CRYBG3: variants seen among roughly 807,000 people sequenced by gnomAD.
CRYBG3 encodes the protein crystallin beta-gamma domain containing 3.
In CRYBG3, 127 loss-of-function variants were observed where a neutral mutation model predicts 244.2. The ratio of observed to expected loss-of-function variants is 0.52; its 90% CI spans 0.45 to 0.60. CRYBG3 has a LOEUF of 0.60. Ranked by LOEUF, CRYBG3 falls within the 20% of genes least tolerant of loss-of-function variation. CRYBG3 has a pLI of 0.00. For synonymous variants in CRYBG3, 1,132 were observed against 1,195.8 expected (o/e 0.95, Z 1.10); for missense variants, 3,325 against 3,442.5 (o/e 0.97, Z 0.85).
intron 1 of CRYBG3, among the ~76,000 whole-genome samples, chr3:97,824,511 C>A (rs1260433147): frequency 6.6e-6 from 1 of 152,148 alleles, no homozygotes; most frequent in Non-Finnish European, 1.5e-5. Flanking sequence ...AACACCAGGT[C>A]TTTGGGGAGC....
chr3:97,910,609 G>A (rs934967551), intron 15 of CRYBG3, among the ~76,000 whole-genome samples: 36 of 152,250 alleles, frequency 2.4e-4, no homozygotes, highest in Admixed American at 9.2e-4. Flanking sequence ...GCTTCGGTTC[G>A]CGCACGGTGC....
intron 17 of CRYBG3, among the ~76,000 whole-genome samples, chr3:97,916,363 C>T (rs2039929206): frequency 1.3e-5 from 2 of 152,122 alleles, no homozygotes; most frequent in Admixed American, 6.6e-5. Flanking sequence ...GCAGAATGAT[C>T]TGGGTCACCT....
chr3:97,880,778 GTATAGACCA>G (rs2039435664), intron 6 of CRYBG3, among the ~76,000 whole-genome samples: 2 of 152,116 alleles, frequency 1.3e-5, no homozygotes, highest in African/African-American at 4.8e-5. Context: ...GTATAGTTTC[GTATAGACCA>G]CATCTATAAA....
chr3:97,851,002 G>T (rs1050822222), intron 2 of CRYBG3, among the ~76,000 whole-genome samples: 1 of 151,870 alleles, frequency 6.6e-6, no homozygotes, highest in African/African-American at 2.4e-5. Flanking sequence ...CATGATGGGC[G>T]TGCGCCTGTA....
At chr3:97,838,025 C>A (rs971578129) in intron 1 of CRYBG3, among the ~76,000 whole-genome samples, 1 of 152,062 alleles carries the variant, frequency 6.6e-6, no homozygotes, top group Non-Finnish European at 1.5e-5. Flanking sequence ...GTGAGTCTGT[C>A]CTGTGGCCAT....
chr3:97,939,600 CTG>C (rs1266469751), intron 19 of CRYBG3, among the ~76,000 whole-genome samples: 1 of 152,016 alleles, frequency 6.6e-6, no homozygotes, highest in Non-Finnish European at 1.5e-5. Flanking sequence ...TTGATTAAAA[CTG>C]TGATGTCTGG....
At chr3:97,862,116 A>G (rs1252052906) in intron 2 of CRYBG3, among the ~76,000 whole-genome samples, 2 of 151,988 alleles carry the variant, frequency 1.3e-5, no homozygotes, top group African/African-American at 4.8e-5. Flanking sequence ...ATTATTTACT[A>G]CTTTAAAAAG....
chr3:97,923,277 T>C (rs1023784845), intron 17 of CRYBG3, among the ~76,000 whole-genome samples: 3 of 152,112 alleles, frequency 2.0e-5, no homozygotes, highest in African/African-American at 4.8e-5. Context: ...CCATGACACA[T>C]GTATACATAT....
chr3:97,904,803 A>ATG (rs1384775816), intron 15 of CRYBG3, among the ~76,000 whole-genome samples: 1 of 150,300 alleles, frequency 6.7e-6, no homozygotes, highest in East Asian at 2.0e-4. Flanking sequence ...TTAGTTACAT[A>ATG]TGTATACATG....
chr3:97,833,243 G>A lies in CRYBG3; in HGVS notation c.150-9952G>A, dbSNP rs145453133. ...TACCCAAAGGATTATAAATCATTCT[G>A]CTATAAAGACACATGCACACGTATG... On this transcript the variant is annotated intron_variant, in intron 1 of 21. Transcript: ENST00000389622. Among the ~76,000 whole-genome samples the A allele has an allele frequency of 5.9e-5, 9 of 152,178 alleles. 1 individual carries two copies. Among genetic ancestry groups the A allele is most frequent in the African/African-American group, 2.2e-4 (9 of 41,516 alleles).
chr3:97,933,470 T>C (rs781264119), intron 17 of CRYBG3: 1 of 607,372 alleles, frequency 1.6e-6, no homozygotes, highest in Non-Finnish European at 3.0e-6. Flanking sequence ...ATGAGATTGA[T>C]TGCTTTTCTG....
At chr3:97,939,559 A>G (rs1179469555) in intron 19 of CRYBG3, among the ~76,000 whole-genome samples, 1 of 152,084 alleles carries the variant, frequency 6.6e-6, no homozygotes, top group Non-Finnish European at 1.5e-5. Context: ...CAAATGTGTA[A>G]TAAGGGTAAT....
intron 2 of CRYBG3, among the ~76,000 whole-genome samples, chr3:97,845,712 C>G (rs911268756): frequency 6.6e-6 from 1 of 152,230 alleles, no homozygotes; most frequent in Non-Finnish European, 1.5e-5. Flanking sequence ...TATTGGTGTC[C>G]TTACTTTACT....
chr3:97,897,759 T>A (rs2039656082), intron 12 of CRYBG3, among the ~76,000 whole-genome samples: 1 of 152,186 alleles, frequency 6.6e-6, no homozygotes, highest in East Asian at 1.9e-4. Flanking sequence ...CACCATTTAG[T>A]TCCCTTAGGA....
At chr3:97,840,895 T>C (rs1449416887) in intron 1 of CRYBG3, among the ~76,000 whole-genome samples, 1 of 152,084 alleles carries the variant, frequency 6.6e-6, no homozygotes, top group Non-Finnish European at 1.5e-5. Context: ...TTACATGTAT[T>C]TGCCAGTTTG....
At chr3:97,939,942 G>C (rs2040206696) in intron 19 of CRYBG3, among the ~76,000 whole-genome samples, 1 of 151,976 alleles carries the variant, frequency 6.6e-6, no homozygotes, top group Non-Finnish European at 1.5e-5. Context: ...GCTTCACGTT[G>C]ATCTATCAAG....
At chr3:97,826,415 T>C (rs932090425) in intron 1 of CRYBG3, among the ~76,000 whole-genome samples, 3 of 152,212 alleles carry the variant, frequency 2.0e-5, no homozygotes, top group African/African-American at 7.2e-5. Flanking sequence ...TAAGTTTTTT[T>C]ACTCATAACA....
At chr3:97,923,599 A>C (rs1485353718) in intron 17 of CRYBG3, among the ~76,000 whole-genome samples, 1 of 152,090 alleles carries the variant, frequency 6.6e-6, no homozygotes, top group Non-Finnish European at 1.5e-5. Context: ...AAATAAAATA[A>C]GATTAAAACA....
intron 17 of CRYBG3, among the ~76,000 whole-genome samples, chr3:97,919,293 T>A (rs1279561934): frequency 6.6e-6 from 1 of 152,068 alleles, no homozygotes; most frequent in Non-Finnish European, 1.5e-5. Context: ...AATTCTAAAA[T>A]CATCAGGTAA....
Sources: allele counts gnomAD v4.1 joint callset (sites outside exome capture counted in the v4.1 genomes callset), GRCh38; gene constraint gnomAD v4.1.1; transcripts MANE v1.5; gene names NCBI Gene and HGNC (gene_info 2026-07-23, HGNC 2026-07-21).